DOK4: variants seen among roughly 807,000 people sequenced by gnomAD.
DOK4 encodes downstream of tyrosine kinase 4.
Under a neutral mutation model 40.1 loss-of-function variants are expected in DOK4, and 26 were observed. That is an observed-to-expected ratio of 0.65 (90% CI 0.48 to 0.90). The LOEUF (loss-of-function observed/expected upper bound fraction) is 0.90. Ranked by LOEUF, DOK4 falls within the 40% of genes least tolerant of loss-of-function variation. The pLI is 0.00. For synonymous variants in DOK4, 179 were observed against 177.0 expected (o/e 1.01, Z -0.09); for missense variants, 392 against 437.2 (o/e 0.90, Z 0.92).
intron 6 of DOK4, 106 bp downstream of exon 6, chr16:57,474,687 T>C: frequency 7.2e-7 from 1 of 1,392,494 alleles, no homozygotes; most frequent in Non-Finnish European, 9.8e-7. Context: ...TTGGGATTGC[T>C]AGGCCAATAA....
intron 3 of DOK4, 73 bp from the exon 4 acceptor site, chr16:57,475,693 T>TCTCTCTCTCTCCCTCTCC: frequency 2.1e-6 from 1 of 480,482 alleles, no homozygotes; most frequent in Admixed American, 3.4e-5. Flanking sequence ...TCTCTCTCTC[T>TCTCTCTCTCTCCCTCTCC]CTCCCTCCCT....
intron 6 of DOK4, 136 bp from the exon 7 acceptor site, chr16:57,474,175 C>G: frequency 8.6e-7 from 1 of 1,163,774 alleles, no homozygotes; most frequent in East Asian, 2.5e-5. Flanking sequence ...GTCTGGGGGT[C>G]CGACCACACG....
At chr16:57,476,202 C>T in intron 2 of DOK4, 1 of 530,940 alleles carries the variant, frequency 1.9e-6, no homozygotes, top group Non-Finnish European at 3.4e-6. Flanking sequence ...ACAAAGGGTG[C>T]TCTCCTGACC....
In DOK4 at chr16:57,485,688, T is replaced by A. The variant is rs1212535804; in HGVS notation, c.-182+617A>T. Among the ~76,000 whole-genome samples the A allele has an allele frequency of 6.6e-6, 1 of 152,156 alleles. No individual in the cohort carries two copies. The highest frequency in any genetic ancestry group is 2.4e-5 in the African/African-American group (1 of 41,450). ...GGTGCCCAGCCTCGGCTCATGCCCC[T>A]TTTCAGTAATAGAAAGCATGTAACT... On this transcript the variant is annotated intron_variant, in intron 1 of 8. Transcript: ENST00000340099. The surrounding 1 kb of genome is among the most constrained non-coding windows in gnomAD (Gnocchi z 4.3).
At chr16:57,475,457 C>T (rs1169576970) in intron 4 of DOK4, 49 bp downstream of exon 4, 19 of 1,540,916 alleles carry the variant, frequency 1.2e-5, no homozygotes, top group Non-Finnish European at 1.6e-5. Context: ...GGACCTCTGA[C>T]CAAGACCACC....
At chr16:57,482,367 T>G (rs1173516992) in intron 1 of DOK4, among the ~76,000 whole-genome samples, 3 of 138,684 alleles carry the variant, frequency 2.2e-5, no homozygotes, top group Non-Finnish European at 4.7e-5. Context: ...GCTTTTGTTT[T>G]TTTTTTTTTT....
rs1469301572 is a variant in DOK4 at position 57,482,368 on chromosome 16, T to TG, written c.-181-2681_-181-2680insC. ...TTTGTAGAGATGGGGCTTTTGTTTTTTTTTTTTTTTTTTTTTGAGACGGAG... is the reference window on the plus strand; with the variant it reads ...TTTGTAGAGATGGGGCTTTTGTTTTTGTTTTTTTTTTTTTTTTGAGACGGAG... On this transcript the variant is annotated intron_variant, in intron 1 of 8. Transcript: ENST00000340099. Among the ~76,000 whole-genome samples, 8 of 139,588 alleles carry TG rather than the reference T, an allele frequency of 5.7e-5. 1 individual carries two copies. In the East Asian group the frequency reaches 6.8e-4, roughly 12 times the overall value. 91.6% of individuals were successfully genotyped at this position (139,588 alleles called of 152,430 possible).
exon 9 of DOK4, chr16:57,472,001 C>G (rs1403869983): frequency 3.3e-5 from 5 of 152,760 alleles, no homozygotes; most frequent in African/African-American, 1.2e-4. Context: ...AAGAGCACAA[C>G]ATAATCTCCT....
At chr16:57,477,194 G>T (rs1407975460) in intron 2 of DOK4, among the ~76,000 whole-genome samples, 2 of 152,160 alleles carry the variant, frequency 1.3e-5, no homozygotes, top group African/African-American at 4.8e-5. Flanking sequence ...GGCAGGCAGG[G>T]TCCCAGGGTG....
At chr16:57,474,630 C>T in intron 6 of DOK4, 163 bp downstream of exon 6, 1 of 915,084 alleles carries the variant, frequency 1.1e-6, no homozygotes, top group Non-Finnish European at 1.6e-6. Flanking sequence ...TCCTCTAAGC[C>T]TCCATTTCAT....
intron 6 of DOK4, 98 bp from the exon 7 acceptor site, chr16:57,474,137 C>T: frequency 6.5e-7 from 1 of 1,538,394 alleles, no homozygotes; most frequent in South Asian, 1.2e-5. Context: ...TGGTTGCATT[C>T]CAGGCCGGGA....
chr16:57,483,294 C>T (rs958926391), intron 1 of DOK4, among the ~76,000 whole-genome samples: 2 of 152,112 alleles, frequency 1.3e-5, no homozygotes, highest in African/African-American at 2.4e-5. Context: ...GCAAGCGAGG[C>T]GGCCCCCAAG....
intron 2 of DOK4, among the ~76,000 whole-genome samples, chr16:57,477,302 C>T (rs893254071): frequency 1.3e-5 from 2 of 152,202 alleles, no homozygotes; most frequent in Non-Finnish European, 2.9e-5. Flanking sequence ...GCTCCTGCAC[C>T]CCTGACCCTG....
chr16:57,487,316 G>C (rs1219969216), upstream of DOK4: 3 of 152,224 alleles, frequency 2.0e-5, no homozygotes, highest in Non-Finnish European at 2.9e-5. Flanking sequence ...AAACTTGTTA[G>C]AAATGCAAAT....
Position 57,479,308 on chromosome 16 carries a change from C to T in DOK4, c.66+134G>A, listed in dbSNP as rs983519570. 279 of 990,578 alleles carry T rather than the reference C, an allele frequency of 2.8e-4. 1 individual carries two copies. In the East Asian group the frequency reaches 5.3e-3, roughly 19 times the overall value. 61.4% of individuals were successfully genotyped at this position (990,578 alleles called of 1,614,324 possible). ...CAGGCAGCACGCTGGCGAGGAGCCCCGAGACCACAGATGCACGATGCCCGG... is the reference window on the plus strand; with the variant it reads ...CAGGCAGCACGCTGGCGAGGAGCCCTGAGACCACAGATGCACGATGCCCGG... On this transcript the variant is annotated intron_variant, in intron 2 of 8. Coordinates refer to ENST00000340099, the Ensembl canonical transcript of DOK4. This position sits in a 1 kb window ranked among gnomAD's most constrained non-coding sequence, Gnocchi z 5.8.
chr16:57,486,241 C>T (rs2031536282), intron 1 of DOK4, 64 bp downstream of exon 1: 1 of 152,158 alleles, frequency 6.6e-6, no homozygotes, highest in African/African-American at 2.4e-5. Flanking sequence ...GTGGGAGTCG[C>T]CGAGACTCTT....
At chr16:57,475,796 C>T in intron 3 of DOK4, 54 bp downstream of exon 3, 3 of 1,493,984 alleles carry the variant, frequency 2.0e-6, no homozygotes, top group Non-Finnish European at 2.7e-6. Flanking sequence ...CTCTCTCTCT[C>T]TCCATCCCCC....
chr16:57,472,114 G>A (rs566964689), exon 9 of DOK4: 89 of 152,648 alleles, frequency 5.8e-4, no homozygotes, highest in Admixed American at 8.5e-4. Context: ...ATCCCTCTGG[G>A]TGGTCATTCC....
chr16:57,476,353 G>A (rs182644090), intron 2 of DOK4: 1 of 172,430 alleles, frequency 5.8e-6, no homozygotes, highest in East Asian at 1.7e-4. Flanking sequence ...CCATTTTATA[G>A]ATGGGGAAAG....
Sources: allele counts gnomAD v4.1 joint callset (sites outside exome capture counted in the v4.1 genomes callset), GRCh38; gene constraint gnomAD v4.1.1; non-coding constraint Gnocchi (gnomAD v3.1); transcripts MANE v1.5; gene names NCBI Gene and HGNC (gene_info 2026-07-23, HGNC 2026-07-21).